PLS1: variants seen among roughly 807,000 people sequenced by gnomAD.
PLS1 encodes plastin 1.
In PLS1, 32 loss-of-function variants were observed where a neutral mutation model predicts 73.7. The ratio of observed to expected loss-of-function variants is 0.43; its 90% confidence interval spans 0.33 to 0.58. The LOEUF is 0.58. Ranked by LOEUF, PLS1 falls within the 20% of genes least tolerant of loss-of-function variation. The pLI is 0.04. For synonymous variants in PLS1, 217 were observed against 261.3 expected, an observed-to-expected ratio of 0.83 and a Z score of 1.63; for missense variants, 633 against 740.5, an observed-to-expected ratio of 0.85 and a Z score of 1.68.
At chr3:142,698,408 C>G in intron 12 of PLS1, 1 of 179,898 alleles carries the variant, frequency 5.6e-6, no homozygotes, top group South Asian at 1.3e-4. Context: ...TATCAATTAC[C>G]TAATACCTAT....
intron 14 of PLS1, among the ~76,000 whole-genome samples, chr3:142,705,567 G>A (rs1577915520): frequency 6.6e-6 from 1 of 152,262 alleles, no homozygotes; most frequent in East Asian, 1.9e-4. Flanking sequence ...TGAGCCTTGT[G>A]TTTGTGATTT....
At chr3:142,605,164 A>G (rs2035996796) in intron 1 of PLS1, among the ~76,000 whole-genome samples, 1 of 152,184 alleles carries the variant, frequency 6.6e-6, no homozygotes, top group South Asian at 2.1e-4. Flanking sequence ...ATAATTAAAC[A>G]AGATAGTGGA....
Position 142,676,286 on chromosome 3 carries a change from T to G in PLS1, c.494T>G (p.Leu165Arg). Residue 165 changes from leucine to arginine, a missense_variant, in exon 5 of 16, where the codon CTT becomes CGT. Leu to Arg is a moderately radical substitution (Grantham distance 102, BLOSUM62 -2). Coordinates refer to ENST00000457734, the MANE Select transcript of PLS1 (RefSeq NM_001145319.2). Reference sequence around the variant, plus strand: ...AAGTCACTTGCAGATGGCATCCTTCTTTGGTGAGTTGAACTTCTGGTTAAG... The same window carrying G: ...AAGTCACTTGCAGATGGCATCCTTCGTTGGTGAGTTGAACTTCTGGTTAAG... ...LFKSLADGIL[L>R]CKMINLSEPD... 6.2e-7 allele frequency: 1 copy of G among 1,611,988 alleles called. No homozygotes were observed.
At chr3:142,653,744 G>C (rs1165724561) in intron 1 of PLS1, among the ~76,000 whole-genome samples, 1 of 152,186 alleles carries the variant, frequency 6.6e-6, no homozygotes, top group African/African-American at 2.4e-5. Context: ...AGTATAAAAA[G>C]AGACCCCTTT....
At chr3:142,653,176 G>A (rs1005160886) in intron 1 of PLS1, among the ~76,000 whole-genome samples, 3 of 152,086 alleles carry the variant, frequency 2.0e-5, no homozygotes, top group Non-Finnish European at 2.9e-5. Flanking sequence ...CATACCAAAT[G>A]CTTTTCCAAG....
chr3:142,658,059 T>C (rs540951249), intron 1 of PLS1, among the ~76,000 whole-genome samples: 1 of 152,302 alleles, frequency 6.6e-6, no homozygotes, highest in South Asian at 2.1e-4. Flanking sequence ...TTTTATAATA[T>C]GAATTATTTA....
At chr3:142,611,079 G>T (rs756006721) in intron 1 of PLS1, among the ~76,000 whole-genome samples, 3 of 152,210 alleles carry the variant, frequency 2.0e-5, no homozygotes, top group African/African-American at 4.8e-5. Flanking sequence ...AAGCATAGCT[G>T]TCTTCCAATA....
chr3:142,625,287 T>G (rs1256165508), intron 1 of PLS1, among the ~76,000 whole-genome samples: 5 of 152,154 alleles, frequency 3.3e-5, no homozygotes, highest in Non-Finnish European at 7.4e-5. Context: ...ACTCCCTGGG[T>G]CTGGGCCTCA....
intron 3 of PLS1, 88 bp downstream of exon 3, chr3:142,669,641 C>T: frequency 1.3e-6 from 1 of 767,648 alleles, no homozygotes; most frequent in Non-Finnish European, 2.0e-6. Context: ...TTAAATCCAG[C>T]TTCAGAGACC....
chr3:142,619,735 A>AT (rs1306873793), intron 1 of PLS1: 2 of 152,174 alleles, frequency 1.3e-5, no homozygotes, highest in Non-Finnish European at 2.9e-5. Context: ...GTGTGTATGT[A>AT]TTGTGTCCTT....
chr3:142,712,011 T>C lies in PLS1; in HGVS notation c.*4T>C, dbSNP rs747229015. The C allele has an allele frequency of 9.9e-6, 16 of 1,611,680 alleles. No homozygotes were observed. The highest frequency in any genetic ancestry group is 6.7e-5 in the African/African-American group (5 of 74,910). On this transcript the variant is annotated 3_prime_UTR_variant, in exon 16 of 16. Coordinates refer to ENST00000457734, the MANE Select transcript of PLS1 (RefSeq NM_001145319.2). Reference sequence around the variant, plus strand: ...AGGACTGAACAGAATAAAATAATCATTTCATATGATTTTCTGCCACATTAA... The same window carrying C: ...AGGACTGAACAGAATAAAATAATCACTTCATATGATTTTCTGCCACATTAA...
intron 6 of PLS1, among the ~76,000 whole-genome samples, chr3:142,683,393 AC>A (rs1480967531): frequency 2.0e-5 from 3 of 152,164 alleles, no homozygotes; most frequent in Admixed American, 6.5e-5. Flanking sequence ...AGTCTCAGCT[AC>A]TCAGGAGGCT....
intron 1 of PLS1, among the ~76,000 whole-genome samples, chr3:142,614,960 A>G (rs1406122628): frequency 6.6e-6 from 1 of 152,138 alleles, no homozygotes; most frequent in Non-Finnish European, 1.5e-5. Context: ...TGGCTATACT[A>G]CGGGTCTCAA....
intron 1 of PLS1, among the ~76,000 whole-genome samples, chr3:142,626,747 T>C (rs567012333): frequency 1.9e-4 from 29 of 152,340 alleles, no homozygotes; most frequent in African/African-American, 7.0e-4. Flanking sequence ...TATGCTTATA[T>C]GATTTGTATT....
At chr3:142,693,524 G>A (rs2038129842) in intron 10 of PLS1, among the ~76,000 whole-genome samples, 2 of 152,262 alleles carry the variant, frequency 1.3e-5, no homozygotes, top group East Asian at 3.9e-4. Context: ...TTTTTCAGGA[G>A]TCTGCTGATA....
intron 4 of PLS1, among the ~76,000 whole-genome samples, chr3:142,672,411 C>T (rs1034985544): frequency 1.4e-5 from 2 of 144,976 alleles, no homozygotes; most frequent in Admixed American, 7.2e-5. Context: ...GGTGCGATCT[C>T]GGCTCACTGC....
intron 1 of PLS1, among the ~76,000 whole-genome samples, chr3:142,597,963 A>C (rs76661792): frequency 0.018 from 2,681 of 152,134 alleles, 28 homozygotes; most frequent in South Asian, 0.041. Context: ...GGTCCTGAAA[A>C]CGCCCTCCTT....
At chr3:142,700,467 C>T (rs753459100) in intron 12 of PLS1, among the ~76,000 whole-genome samples, 6 of 152,040 alleles carry the variant, frequency 3.9e-5, no homozygotes, top group East Asian at 3.9e-4. Context: ...GGACTACAGG[C>T]GCCCGCCACC....
chr3:142,663,696 ACATGGGGTAGGGGAAAG>A (rs143626708), intron 1 of PLS1, among the ~76,000 whole-genome samples: 6,757 of 152,316 alleles, frequency 0.044, 502 homozygotes, highest in African/African-American at 0.15. Context: ...CAGAGACTTC[ACATGGGGTAGGGGAAAG>A]AATGTGGCAG....
Sources: gnomAD v4.1 joint callset for allele counts (sites outside exome capture counted in the v4.1 genomes callset) on GRCh38, gnomAD v4.1.1 for gene constraint, MANE v1.5 for transcripts, NCBI Gene and HGNC (gene_info 2026-07-23, HGNC 2026-07-21) for gene names.